The following IL5RA variants were observed in gnomAD, a reference collection of about 807,000 sequenced individuals.
The protein encoded by IL5RA is interleukin-5 receptor subunit alpha.
Under a neutral mutation model 50.0 loss-of-function variants are expected in IL5RA, and 49 were observed. That is an observed-to-expected ratio of 0.98 (90% CI 0.78 to 1.24). The LOEUF is 1.24. IL5RA is among the 50% of genes most tolerant of loss of function. The pLI, the probability that IL5RA is intolerant of heterozygous loss-of-function variation, is 0.00. For synonymous variants in IL5RA, 202 were observed against 174.0 expected (o/e 1.16, Z -1.26); for missense variants, 600 against 500.4 (o/e 1.20, Z -1.90).
At chr3:3,094,849 C>A (rs1273554869) in intron 8 of IL5RA, among the ~76,000 whole-genome samples, 1 of 151,986 alleles carries the variant, frequency 6.6e-6, no homozygotes, top group Admixed American at 6.6e-5. Context: ...CAGCCCCTGC[C>A]CCCGAGTAGC....
At chr3:3,094,460 G>T (rs984153390) in intron 8 of IL5RA, among the ~76,000 whole-genome samples, 3 of 152,114 alleles carry the variant, frequency 2.0e-5, no homozygotes, top group Non-Finnish European at 2.9e-5. Flanking sequence ...TTTAATGCTG[G>T]ATAATATCCT....
In IL5RA at chr3:3,068,587, C is replaced by CAAAAAAAAAAAAAAAAAA. The variant is rs760670295; in HGVS notation, c.*1620_*1637dup. 2.8e-5 allele frequency: 1 copy of CAAAAAAAAAAAAAAAAAA among 35,618 alleles called. No homozygotes were observed. The highest frequency in any genetic ancestry group is 8.8e-5 in the African/African-American group (1 of 11,344). The allele number at this position is 35,618 out of a possible 1,614,324, so 2.2% of individuals were successfully genotyped here. On this transcript the variant is annotated 3_prime_UTR_variant, in exon 12 of 12. Transcript: ENST00000446632. ...AAGACTGTCTCCACCACCCACCCCACAAAAAAAAAAAAAAAAAAAAACAAA... is the reference window on the plus strand; with the variant it reads ...AAGACTGTCTCCACCACCCACCCCACAAAAAAAAAAAAAAAAAAAAAAAAAAAAAAAAAAAAAAACAAA...
intron 9 of IL5RA, among the ~76,000 whole-genome samples, chr3:3,078,676 A>C (rs1299633819): frequency 6.6e-6 from 1 of 152,094 alleles, no homozygotes; most frequent in African/African-American, 2.4e-5. Context: ...TCTACTAAAA[A>C]TATAAAAATT....
rs1365540457 is a variant in IL5RA, at chr3:3,101,807, G to A, written c.252C>T (p.Ser84=). The A allele has an allele frequency of 6.2e-7, 1 of 1,613,790 alleles. No individual in the cohort carries two copies. The highest frequency in any genetic ancestry group is 8.5e-7 in the Non-Finnish European group (1 of 1,179,910). ...CTTTGTGGAGGATGGTTACACATTT[G>A]CTTTCAGTGATTCTGGTTTCATACT... ...EDDYETRITE[S]KCVTILHKGF... Residue 84 remains serine (S), a synonymous_variant, in exon 5 of 12, where the codon AGC becomes AGT. Coordinates refer to ENST00000446632, the MANE Select transcript of IL5RA (RefSeq NM_175726.4).
chr3:3,068,615 C>T lies in IL5RA; in HGVS notation c.*1610G>A, dbSNP rs1463981550. The T allele has an allele frequency of 8.5e-6, 1 of 117,860 alleles. No homozygotes were observed. Among genetic ancestry groups the T allele is most frequent in the African/African-American group, 4.2e-5 (1 of 23,800 alleles). The allele number at this position is 117,860 out of a possible 1,614,324, so 7.3% of individuals were successfully genotyped here. ...AAAAAAAAAAAAAAAAAAACAAAAA[C>T]AGGTTTGAGATTATGAATCATTTGA... On this transcript the variant is annotated 3_prime_UTR_variant, in exon 12 of 12. Transcript: ENST00000446632.
intron 2 of IL5RA, among the ~76,000 whole-genome samples, chr3:3,106,220 A>T (rs1000940732): frequency 1.3e-5 from 2 of 152,230 alleles, no homozygotes; most frequent in Non-Finnish European, 1.5e-5. Flanking sequence ...ATGATTTATA[A>T]TTTCATTTAA....
intron 10 of IL5RA, among the ~76,000 whole-genome samples, chr3:3,075,728 G>A (rs1347212530): frequency 6.6e-6 from 1 of 151,740 alleles, no homozygotes; most frequent in East Asian, 1.9e-4. Context: ...AGCCTTCCAA[G>A]TAGCTGGGAA....
In IL5RA at chr3:3,074,969, T is replaced by C. The variant is rs1702427866; in HGVS notation, c.1092-103A>G. 4 of 713,018 alleles carry C rather than the reference T, an allele frequency of 5.6e-6. No homozygotes were observed. The East Asian group carries it at 1.1e-4, about 19-fold the overall frequency. 44.2% of individuals were successfully genotyped at this position (713,018 alleles called of 1,614,324 possible). A position where few individuals can be genotyped will look rare whatever the true frequency, so the allele number is the denominator to read the frequency against. On this transcript the variant is annotated intron_variant, in intron 10 of 11. Coordinates refer to ENST00000446632, the MANE Select transcript of IL5RA (RefSeq NM_175726.4). ...CTGGTTGATTCTAGAACCTGCTGTT[T>C]TGTAAATTCAAAATCTTTACGTACC... is the stretch of plus-strand genomic sequence containing the variant.
intron 7 of IL5RA, 38 bp from the exon 8 acceptor site, chr3:3,095,482 A>G: frequency 9.5e-7 from 1 of 1,047,126 alleles, no homozygotes; most frequent in Non-Finnish European, 1.4e-6. Context: ...TTTTTTTTTT[A>G]GAATCAGTGA....
At chr3:3,076,971 G>A (rs999795541) in intron 9 of IL5RA, among the ~76,000 whole-genome samples, 3 of 152,326 alleles carry the variant, frequency 2.0e-5, no homozygotes, top group Admixed American at 2.0e-4. Context: ...TTGGTACGTA[G>A]TAAGGTTTTT....
chr3:3,095,407 A>C lies in IL5RA; in HGVS notation c.747T>G (p.Ile249Met). The C allele has an allele frequency of 1.2e-6, 2 of 1,612,666 alleles. No homozygotes were observed. Among genetic ancestry groups the C allele is most frequent in the Middle Eastern group, 1.7e-4 (1 of 5,998 alleles). The change falls in exon 8 of 12, where the codon ATT (isoleucine) becomes ATG (methionine). Residue 249 changes from isoleucine to methionine, a missense_variant. Physicochemically the swap from Ile to Met is conservative, Grantham distance 10. Coordinates refer to ENST00000446632, the MANE Select transcript of IL5RA (RefSeq NM_175726.4). Reference protein sequence around the residue: ...INPPLNVTAEIEGTRLSIQWE... With the variant: ...INPPLNVTAEMEGTRLSIQWE... ...ATTGGATAGAGAGACGAGTTCCTTC[A>C]ATCTCTGCTGTGACATTCAGTGGAG...
At chr3:3,097,635 G>C (rs334803) in intron 7 of IL5RA, among the ~76,000 whole-genome samples, 6,229 of 152,214 alleles carry the variant, frequency 0.041, 247 homozygotes, top group African/African-American at 0.11. Flanking sequence ...AGAGGCCAGA[G>C]ATGCCGCTAA....
chr3:3,071,590 T>A (rs1702299421), intron 11 of IL5RA, among the ~76,000 whole-genome samples: 1 of 124,724 alleles, frequency 8.0e-6, no homozygotes, highest in African/African-American at 3.2e-5. Context: ...TGTGTGTGTG[T>A]GTGTGTATTT....
intron 5 of IL5RA, among the ~76,000 whole-genome samples, chr3:3,100,945 G>A (rs116532826): frequency 0.027 from 4,053 of 150,916 alleles, 87 homozygotes; most frequent in Admixed American, 0.052. Context: ...CCAGGAGATC[G>A]AGACCAGCCT....
At chr3:3,073,753 CCCCAAAT>C (rs1418737065) in intron 11 of IL5RA, 10 of 450,364 alleles carry the variant, frequency 2.2e-5, no homozygotes, top group Non-Finnish European at 3.6e-5. Flanking sequence ...CACAATCTCA[CCCCAAAT>C]CCCAGCTACC....
At chr3:3,096,113 C>T (rs1703353436) in intron 7 of IL5RA, among the ~76,000 whole-genome samples, 1 of 151,988 alleles carries the variant, frequency 6.6e-6, no homozygotes, top group African/African-American at 2.4e-5. Flanking sequence ...CCCCTCTCTA[C>T]TAAAAATACA....
At position 3,076,598 on chromosome 3, in the gene IL5RA, A is replaced by T; in HGVS notation, c.1024T>A (p.Trp342Arg). 6.2e-7 allele frequency: 1 copy of T among 1,611,108 alleles called. No individual in the cohort carries two copies. Among genetic ancestry groups the T allele is most frequent in the Non-Finnish European group, 8.5e-7 (1 of 1,177,616 alleles). Reference protein sequence around the residue: ...GNDEHKPLREWFVIVIMATIC... With the variant: ...GNDEHKPLRERFVIVIMATIC... ...GTTGCCATAATCACAATGACAAACC[A>T]CTCTCTCAAGGGCTTGTGTTCATCA... The change falls in exon 10 of 12, where the codon TGG (tryptophan) becomes AGG (arginine). Residue 342 changes from tryptophan to arginine, a missense_variant. Transcript: ENST00000446632.
chr3:3,096,006 T>C (rs1348568644), intron 7 of IL5RA, among the ~76,000 whole-genome samples: 1 of 152,094 alleles, frequency 6.6e-6, no homozygotes, highest in Non-Finnish European at 1.5e-5. Flanking sequence ...GGGCAGGGCG[T>C]GGGGGCTCAC....
At chr3:3,097,579 G>C (rs567759208) in intron 7 of IL5RA, among the ~76,000 whole-genome samples, 2 of 152,212 alleles carry the variant, frequency 1.3e-5, no homozygotes, top group East Asian at 3.9e-4. Flanking sequence ...TTTTTTAAAA[G>C]TCACAGCTCA....
Sources: allele counts gnomAD v4.1 joint callset (sites outside exome capture counted in the v4.1 genomes callset), GRCh38; gene constraint gnomAD v4.1.1; transcripts MANE v1.5; gene names NCBI Gene and HGNC (gene_info 2026-07-23, HGNC 2026-07-21).